Variants in KDM8 observed in about 807,000 individuals in gnomAD.
KDM8 encodes bifunctional peptidase and arginyl-hydroxylase JMJD5.
KDM8 carries 35 observed loss-of-function variants against 46.9 expected under a neutral mutation model. The observed-to-expected ratio is 0.75, with a 90% confidence interval of 0.57 to 0.99. The LOEUF is 0.99. Among genes scored for constraint, KDM8 ranks in the 50% least tolerant of loss-of-function variants. KDM8 has a pLI of 0.00. For synonymous variants in KDM8, 232 were observed against 227.7 expected (o/e 1.02, Z -0.17); for missense variants, 475 against 537.0 (o/e 0.88, Z 1.14).
intron 1 of KDM8, 60 bp from the exon 2 acceptor site, chr16:27,210,033 A>C: frequency 6.8e-7 from 1 of 1,478,440 alleles, no homozygotes; most frequent in Non-Finnish European, 9.0e-7. Context: ...AAGCTGCGGG[A>C]ATGCACAGGG....
rs559245630 is a variant in KDM8 at position 27,213,643 on chromosome 16, G to A, written c.557G>A (p.Arg186Gln). Reference protein sequence around the residue: ...PDVKLEKTVPRLHRPSLQHFR... With the variant: ...PDVKLEKTVPQLHRPSLQHFR... ...GTGAAGTTAGAAAAAACAGTCCCCC[G>A]GCTGCACCGTCCGTCCCTCCAGCAT... is the stretch of plus-strand genomic sequence containing the variant. Residue 186 changes from arginine (R) to glutamine (Q), a missense_variant, in exon 3 of 8, where the codon CGG (arginine) becomes CAG (glutamine). By Grantham distance (43) the Arg-to-Gln change is conservative (BLOSUM62 1). Coordinates refer to ENST00000286096, the MANE Select transcript of KDM8 (RefSeq NM_024773.3). 37 of 1,614,116 alleles carry A rather than the reference G, an allele frequency of 2.3e-5. No homozygotes were observed. Among genetic ancestry groups the A allele is most frequent in the African/African-American group, 1.9e-4 (14 of 75,034 alleles).
At chr16:27,214,812 C>T in intron 3 of KDM8, 64 bp from the exon 4 acceptor site, 1 of 1,570,332 alleles carries the variant, frequency 6.4e-7, no homozygotes, top group Non-Finnish European at 8.8e-7. Flanking sequence ...ACATGCAAAG[C>T]ACACTTAGTA....
At position 27,210,214 on chromosome 16, in the gene KDM8, G is replaced by A; in HGVS notation, c.91G>A (p.Glu31Lys). Residue 31 changes from glutamate (E) to lysine (K), a missense_variant, in exon 2 of 8, where the codon GAA (glutamate) becomes AAA (lysine). Transcript: ENST00000286096. ...ALRALLPHSKEDLKLDLGEKV... is the reference protein window; with the variant it reads ...ALRALLPHSKKDLKLDLGEKV... ...CAGGGCGCTCCTGCCGCACAGTAAA[G>A]AAGACCTGAAGTTGGACCTCGGGGA... is the stretch of plus-strand genomic sequence containing the variant. The A allele has an allele frequency of 6.2e-7, 1 of 1,613,382 alleles. No homozygotes were observed.
In KDM8 at chr16:27,213,935, G is replaced by A. The variant is rs1214156196; in HGVS notation, c.665+184G>A. The stretch of plus-strand genomic sequence containing the variant: ...TAAGGTGCTCTGAATTTATGCCGCA[G>A]GTTATGGGATTCTTACCTTCTACCT... On this transcript the variant is annotated intron_variant, in intron 3 of 7. Coordinates refer to ENST00000286096, the MANE Select transcript of KDM8 (RefSeq NM_024773.3). 9.8e-6 allele frequency: 6 copies of A among 611,106 alleles called. No individual in the cohort carries two copies. In the South Asian group the frequency reaches 1.2e-4, roughly 12 times the overall value. 37.9% of individuals were successfully genotyped at this position (611,106 alleles called of 1,614,324 possible).
chr16:27,211,925 C>A (rs992600648), intron 2 of KDM8, among the ~76,000 whole-genome samples: 6 of 152,218 alleles, frequency 3.9e-5, no homozygotes, highest in African/African-American at 1.2e-4. Context: ...CCACCTCAGC[C>A]TCCTAAGTGC....
chr16:27,214,773 G>T (rs138249252), intron 3 of KDM8, 103 bp from the exon 4 acceptor site: 1 of 1,329,116 alleles, frequency 7.5e-7, no homozygotes, highest in South Asian at 1.3e-5. Context: ...GTCTCTGCAC[G>T]TGAGGTTTTC....
At chr16:27,209,157 T>C (rs1209374165) in intron 1 of KDM8, among the ~76,000 whole-genome samples, 3 of 152,264 alleles carry the variant, frequency 2.0e-5, no homozygotes, top group Admixed American at 1.3e-4. Flanking sequence ...GAGAGGGTGC[T>C]GAGATCAGCC....
At chr16:27,206,261 G>C (rs1054343425) in intron 1 of KDM8, 2 of 969,540 alleles carry the variant, frequency 2.1e-6, no homozygotes, top group Non-Finnish European at 2.4e-6. Context: ...TAAGCCTTTT[G>C]TGTGCGTGTG....
At chr16:27,210,654 G>A (rs759075328) in intron 2 of KDM8, 33 bp downstream of exon 2, 2 of 1,491,454 alleles carry the variant, frequency 1.3e-6, no homozygotes, top group South Asian at 2.9e-5. Context: ...AAGCACACTA[G>A]CCATCCAGCA....
chr16:27,218,398 G>A (rs887032684), intron 5 of KDM8, among the ~76,000 whole-genome samples: 4 of 152,194 alleles, frequency 2.6e-5, no homozygotes, highest in South Asian at 2.1e-4. Context: ...GCCATGGGGA[G>A]CCGCGCCACC....
chr16:27,214,793 A>C, intron 3 of KDM8, 83 bp from the exon 4 acceptor site: 2 of 1,510,192 alleles, frequency 1.3e-6, no homozygotes, highest in South Asian at 2.3e-5. Context: ...CCGAGGATGA[A>C]AGGGGACCAC....
chr16:27,203,740 G>C (rs2083397683), intron 1 of KDM8, 104 bp downstream of exon 1: 1 of 260,756 alleles, frequency 3.8e-6, no homozygotes, highest in African/African-American at 2.3e-5. Context: ...AAGCAGCCAA[G>C]CCCGGCCTCG....
intron 1 of KDM8, chr16:27,204,538 T>G: frequency 4.7e-6 from 1 of 214,066 alleles, no homozygotes; most frequent in Non-Finnish European, 8.9e-6. Flanking sequence ...GGACCGCCTG[T>G]TCCCAGAAAG....
chr16:27,211,140 G>A (rs757102552), intron 2 of KDM8: 1 of 149,518 alleles, frequency 6.7e-6, no homozygotes, highest in South Asian at 5.0e-5. Context: ...TTTTTTTTTT[G>A]CAAAGGCAGC....
intron 4 of KDM8, 140 bp from the exon 5 acceptor site, chr16:27,215,805 G>T (rs2083543991): frequency 3.5e-6 from 3 of 850,166 alleles, no homozygotes; most frequent in African/African-American, 3.3e-5. Flanking sequence ...GGCCTCTAAG[G>T]GTTGGAGAGG....
chr16:27,211,514 A>T, intron 2 of KDM8: 2 of 206,598 alleles, frequency 9.7e-6, no homozygotes, highest in Admixed American at 5.6e-5. Context: ...AAGTCACTTA[A>T]CCTCCTTTGA....
rs749217937 is a variant in KDM8 at position 27,214,985 on chromosome 16, A to C, written c.775A>C (p.Ile259Leu). 1.2e-6 allele frequency: 2 copies of C among 1,614,200 alleles called. No individual in the cohort carries two copies. Among genetic ancestry groups the C allele is most frequent in the South Asian group, 2.2e-5 (2 of 91,080 alleles). ...SQTLMTVNEF[I>L]SKYIVNEPRD... ...GACCCTCATGACGGTCAACGAGTTC[A>C]TCAGCAAATACATCGTGAATGAGGT... The change falls in exon 4 of 8, where the codon ATC becomes CTC. Residue 259 changes from isoleucine (I) to leucine (L), a missense_variant. Transcript: ENST00000286096.
At position 27,210,465 on chromosome 16, in the gene KDM8, C is replaced by T; in HGVS notation, c.342C>T (p.Asn114=). 3 of 1,591,890 alleles carry T rather than the reference C, an allele frequency of 1.9e-6. No individual in the cohort carries two copies. The highest frequency in any genetic ancestry group is 2.6e-6 in the Non-Finnish European group (3 of 1,165,124). ...LCLCQAPEDA[N]TVAAALRVCD... ...TGTGCCAGGCACCTGAGGATGCCAA[C>T]ACTGTGGCCGCAGCCCTGCGGGTCT... The change falls in exon 2 of 8, where the codon AAC becomes AAT. Residue 114 remains asparagine (N), a synonymous_variant. Coordinates refer to ENST00000286096, the MANE Select transcript of KDM8 (RefSeq NM_024773.3).
rs542861307 is a variant in KDM8, at chr16:27,212,174, A to G, written c.499-1411A>G. 4.6e-5 allele frequency among the ~76,000 whole-genome samples: 7 copies of G among 152,342 alleles called. No homozygotes were observed. In the East Asian group the frequency reaches 9.6e-4, roughly 21 times the overall value. ...CCAGGAACCTGAACAGACTGTTCACAAGAAGGAAATAGATCTGTTAAACAA... is the reference window on the plus strand; with the variant it reads ...CCAGGAACCTGAACAGACTGTTCACGAGAAGGAAATAGATCTGTTAAACAA... On this transcript the variant is annotated intron_variant, in intron 2 of 7. Coordinates refer to ENST00000286096, the MANE Select transcript of KDM8 (RefSeq NM_024773.3).
Sources: gnomAD v4.1 joint callset for allele counts (sites outside exome capture counted in the v4.1 genomes callset) on GRCh38, gnomAD v4.1.1 for gene constraint, MANE v1.5 for transcripts, NCBI Gene and HGNC (gene_info 2026-07-23, HGNC 2026-07-21) for gene names.